ERBB4: variants seen among roughly 807,000 people sequenced by gnomAD.
ERBB4 encodes the protein receptor tyrosine-protein kinase erbB-4.
ERBB4 carries 42 observed loss-of-function variants against 158.0 expected under a neutral mutation model. That is an observed-to-expected ratio of 0.27 (90% CI 0.21 to 0.34). The LOEUF (loss-of-function observed/expected upper bound fraction) is 0.34. Ranked by LOEUF, ERBB4 falls within the 10% of genes least tolerant of loss-of-function variation. The pLI, the probability that ERBB4 is intolerant of heterozygous loss-of-function variation, is 1.00. For missense variants in ERBB4, 1,333 were observed against 1,624.1 expected (o/e 0.82, Z 3.08); for synonymous variants, 583 against 558.7 (o/e 1.04, Z -0.61).
intron 1 of ERBB4, among the ~76,000 whole-genome samples, chr2:212,527,587 A>G (rs755745755): frequency 1.3e-5 from 2 of 152,040 alleles, no homozygotes; most frequent in Non-Finnish European, 2.9e-5. Flanking sequence ...GAACCCCTCT[A>G]TTGTACTGGT....
chr2:211,671,132 T>C (rs1574958415), intron 14 of ERBB4, among the ~76,000 whole-genome samples: 1 of 152,186 alleles, frequency 6.6e-6, no homozygotes, highest in Non-Finnish European at 1.5e-5. Flanking sequence ...AAAGTCACAA[T>C]TGCAAGAAAG....
chr2:211,420,685 T>C (rs1379142165), intron 24 of ERBB4, 74 bp from the exon 25 acceptor site: 5 of 1,268,018 alleles, frequency 3.9e-6, no homozygotes, highest in Non-Finnish European at 4.5e-6. Flanking sequence ...TGCAATAAAT[T>C]TATGTAATAT....
At position 211,455,209 on chromosome 2, in the gene ERBB4, A is replaced by C. The variant is rs2064350570; in HGVS notation, c.2488-24109T>G. The stretch of plus-strand genomic sequence containing the variant: ...ACACACAGATGGCTTACATTTTTTG[A>C]GTGTGTGAAACACAAAATTTAGCAT... On this transcript the variant is annotated intron_variant, in intron 20 of 27. Coordinates refer to ENST00000342788, the MANE Select transcript of ERBB4 (RefSeq NM_005235.3). Among the ~76,000 whole-genome samples the C allele has an allele frequency of 2.6e-5, 4 of 152,248 alleles. No individual in the cohort carries two copies. The South Asian group carries it at 8.3e-4, about 32-fold the overall frequency.
chr2:211,881,877 T>C (rs1344173980), intron 3 of ERBB4, among the ~76,000 whole-genome samples: 2 of 152,178 alleles, frequency 1.3e-5, no homozygotes, highest in Non-Finnish European at 2.9e-5. Context: ...TTGGATATTA[T>C]CCCAGACAAC....
intron 20 of ERBB4, among the ~76,000 whole-genome samples, chr2:211,516,523 G>A (rs1490274866): frequency 6.6e-6 from 1 of 151,420 alleles, no homozygotes; most frequent in Admixed American, 6.6e-5. Flanking sequence ...TAGTAGAGAC[G>A]GGAATCTCAC....
At chr2:211,409,043 AAAAC>A (rs2063202295) in intron 25 of ERBB4, among the ~76,000 whole-genome samples, 1 of 152,238 alleles carries the variant, frequency 6.6e-6, no homozygotes, top group South Asian at 2.1e-4. Context: ...CAATATTTAA[AAAAC>A]AAAATAAATA....
intron 3 of ERBB4, among the ~76,000 whole-genome samples, chr2:211,897,054 A>G (rs1173704273): frequency 6.7e-6 from 1 of 150,034 alleles, no homozygotes; most frequent in African/African-American, 2.4e-5. Flanking sequence ...ATATTATACA[A>G]ATTATTATAT....
chr2:211,959,648 AT>A lies in ERBB4; in HGVS notation c.235-12033del, dbSNP rs936106248. Reference sequence around the variant, plus strand: ...ATAGGAATTTTACAGAGAAGCAATCATTATAGTACCTTCTAAGGCTGCATAT... The same window carrying A: ...ATAGGAATTTTACAGAGAAGCAATCATATAGTACCTTCTAAGGCTGCATAT... On this transcript the variant is annotated intron_variant, in intron 2 of 27. Transcript: ENST00000342788. Among the ~76,000 whole-genome samples, 11 of 152,150 alleles carry A rather than the reference AT, an allele frequency of 7.2e-5. 1 individual carries two copies. The highest frequency in any genetic ancestry group is 1.5e-5 in the Non-Finnish European group (1 of 68,006).
At chr2:211,842,668 A>C (rs1012069228) in intron 3 of ERBB4, among the ~76,000 whole-genome samples, 5 of 152,114 alleles carry the variant, frequency 3.3e-5, no homozygotes, top group African/African-American at 1.2e-4. Context: ...GAAATTAGAA[A>C]TATCACCTCA....
intron 2 of ERBB4, among the ~76,000 whole-genome samples, chr2:211,957,698 G>A (rs1363690446): frequency 6.6e-6 from 1 of 152,024 alleles, no homozygotes; most frequent in African/African-American, 2.4e-5. Flanking sequence ...AGTTTCTATT[G>A]TTTTTCTGAA....
chr2:212,261,224 A>G (rs2084932568), intron 1 of ERBB4, among the ~76,000 whole-genome samples: 1 of 152,222 alleles, frequency 6.6e-6, no homozygotes, highest in African/African-American at 2.4e-5. Flanking sequence ...TTGATTATAT[A>G]CAAGGTTACA....
chr2:211,713,827 T>A (rs553413371), intron 7 of ERBB4, among the ~76,000 whole-genome samples, 179 bp from the exon 8 acceptor site: 2 of 152,324 alleles, frequency 1.3e-5, no homozygotes, highest in East Asian at 3.9e-4. Context: ...TCCAGTCAAA[T>A]GCAATGTGTG....
chr2:212,410,337 C>T (rs1270660015), intron 1 of ERBB4, among the ~76,000 whole-genome samples: 2 of 151,830 alleles, frequency 1.3e-5, no homozygotes, highest in South Asian at 2.1e-4. Context: ...TCATTACGTA[C>T]AAATCATCAC....
chr2:211,624,111 C>G (rs750689272), intron 17 of ERBB4, 67 bp from the exon 18 acceptor site: 93 of 1,592,800 alleles, frequency 5.8e-5, no homozygotes, highest in Middle Eastern at 3.3e-4. Flanking sequence ...CTGTCTCTCT[C>G]TCTCTCTCTC....
At chr2:212,183,225 G>C (rs1219963833) in intron 1 of ERBB4, among the ~76,000 whole-genome samples, 1 of 151,846 alleles carries the variant, frequency 6.6e-6, no homozygotes, top group African/African-American at 2.4e-5. Context: ...ATAGACACTT[G>C]AGGTTGTAGT....
chr2:211,526,782 T>C (rs565286470), intron 20 of ERBB4, among the ~76,000 whole-genome samples: 13 of 151,770 alleles, frequency 8.6e-5, no homozygotes, highest in Non-Finnish European at 1.8e-4. Context: ...AATTCTGAAG[T>C]TGAAAAATGC....
At chr2:211,748,495 T>G (rs78584565) in intron 5 of ERBB4, among the ~76,000 whole-genome samples, 5,585 of 152,114 alleles carry the variant, frequency 0.037, 361 homozygotes, top group African/African-American at 0.13. Context: ...CAGGGTGTCT[T>G]AAGTGCCCCT....
chr2:211,901,457 C>A (rs904388323), intron 3 of ERBB4, among the ~76,000 whole-genome samples: 2 of 152,112 alleles, frequency 1.3e-5, no homozygotes, highest in African/African-American at 4.8e-5. Context: ...TCAGAGCCCA[C>A]GGAGATAACC....
At chr2:212,377,726 A>G (rs1350044318) in intron 1 of ERBB4, among the ~76,000 whole-genome samples, 1 of 151,792 alleles carries the variant, frequency 6.6e-6, no homozygotes, top group Non-Finnish European at 1.5e-5. Context: ...TTACACTTAG[A>G]CTACACTAAA....
Sources: gnomAD v4.1 joint callset for allele counts (sites outside exome capture counted in the v4.1 genomes callset) on GRCh38, gnomAD v4.1.1 for gene constraint, MANE v1.5 for transcripts, NCBI Gene and HGNC (gene_info 2026-07-23, HGNC 2026-07-21) for gene names.